The following YWHAQ variants were observed in gnomAD, a reference collection of about 807,000 sequenced individuals.
YWHAQ encodes the protein tyrosine 3-monooxygenase/tryptophan 5-monooxygenase activation protein theta.
Under a neutral mutation model 28.3 loss-of-function variants are expected in YWHAQ, and 6 were observed. The observed-to-expected ratio is 0.21, with a 90% CI of 0.12 to 0.42. The LOEUF (loss-of-function observed/expected upper bound fraction) is 0.42. Among genes scored for constraint, YWHAQ ranks in the 10% least tolerant of loss-of-function variants. The pLI, the probability that YWHAQ is intolerant of heterozygous loss-of-function variation, is 1.00. For synonymous variants in YWHAQ, 143 were observed against 119.1 expected, an observed-to-expected ratio of 1.20 and a Z score of -1.31; for missense variants, 201 against 305.6, an observed-to-expected ratio of 0.66 and a Z score of 2.55.
chr2:9,588,185 C>A lies in YWHAQ; in HGVS notation c.562G>T (p.Ala188Ser), dbSNP rs1666384978. 1.3e-6 allele frequency: 2 copies of A among 1,574,386 alleles called. No homozygotes were observed. The highest frequency in any genetic ancestry group is 1.7e-6 in the Non-Finnish European group (2 of 1,167,648). ...CTTACCGTTTTAGCCAGCGTGCAGG[C>A]AAGCTCTGGGTTATTAAGAATCTCA... is the stretch of plus-strand genomic sequence containing the variant. ...YYEILNNPEL[A>S]CTLAKTAFDE... is the part of the protein sequence containing the mutation. The change falls in exon 4 of 6, where the codon GCC becomes TCC. Residue 188 changes from alanine to serine, a missense_variant. Physicochemically the swap from Ala to Ser is moderately conservative, Grantham distance 99. This residue lies in a region of YWHAQ where 39 missense variants were observed against 91.7 expected (regional missense o/e 0.43). Transcript: ENST00000238081.
At chr2:9,627,770 C>G (rs1667276524) in intron 2 of YWHAQ, among the ~76,000 whole-genome samples, 1 of 152,194 alleles carries the variant, frequency 6.6e-6, no homozygotes, top group South Asian at 2.1e-4. Flanking sequence ...CCTTTCCAGG[C>G]TTGTCTCCTG....
chr2:9,600,615 G>A (rs1170140861), intron 2 of YWHAQ, among the ~76,000 whole-genome samples: 2 of 152,072 alleles, frequency 1.3e-5, no homozygotes, highest in African/African-American at 4.8e-5. Context: ...TAAAGAAGGA[G>A]AATTGATTGA....
At chr2:9,601,285 A>G (rs949342363) in intron 2 of YWHAQ, among the ~76,000 whole-genome samples, 3 of 152,080 alleles carry the variant, frequency 2.0e-5, no homozygotes, top group Admixed American at 2.0e-4. Flanking sequence ...AACATGGTGA[A>G]ACCCCGTCTC....
chr2:9,617,327 T>C (rs1181433021), intron 2 of YWHAQ, among the ~76,000 whole-genome samples: 3 of 152,152 alleles, frequency 2.0e-5, no homozygotes, highest in Non-Finnish European at 4.4e-5. Context: ...AAAATTCTGA[T>C]ACATGTTTCA....
chr2:9,630,073 G>C lies in YWHAQ; in HGVS notation c.294+86C>G, dbSNP rs1293865891. 2 of 1,528,218 alleles carry C rather than the reference G, an allele frequency of 1.3e-6. No homozygotes were observed. The highest frequency in any genetic ancestry group is 1.8e-6 in the Non-Finnish European group (2 of 1,128,720). 94.7% of individuals were successfully genotyped at this position (1,528,218 alleles called of 1,614,324 possible). On this transcript the variant is annotated intron_variant, in intron 2 of 5. Transcript: ENST00000238081. The surrounding 1 kb of genome is among the most constrained non-coding windows in gnomAD (Gnocchi z 5.6). ...CCAGCAGACAGTCCGGCAAGCCCCG[G>C]CTCACGTTTGTTTCCGTGCCCGCGA...
chr2:9,626,168 T>C (rs947716906), intron 2 of YWHAQ, among the ~76,000 whole-genome samples: 1 of 152,244 alleles, frequency 6.6e-6, no homozygotes, highest in African/African-American at 2.4e-5. Flanking sequence ...AAATTGTTTA[T>C]GCATTATGCT....
At chr2:9,620,924 C>T (rs1667129611) in intron 2 of YWHAQ, among the ~76,000 whole-genome samples, 1 of 152,172 alleles carries the variant, frequency 6.6e-6, no homozygotes, top group South Asian at 2.1e-4. Context: ...CTATTAACTT[C>T]AGTAATTAAA....
At chr2:9,597,985 ATTTTTT>A (rs547582835) in intron 2 of YWHAQ, among the ~76,000 whole-genome samples, 116 of 62,474 alleles carry the variant, frequency 1.9e-3, no homozygotes, top group East Asian at 0.013. Flanking sequence ...ATGCCGGGCT[ATTTTTT>A]TTTTTTTTTT....
At chr2:9,586,495 A>G (rs753727608) in intron 5 of YWHAQ, among the ~76,000 whole-genome samples, 4 of 152,232 alleles carry the variant, frequency 2.6e-5, no homozygotes, top group Non-Finnish European at 5.9e-5. Context: ...ATTAAAAGAT[A>G]GTTAGCTCCA....
At chr2:9,610,845 C>G (rs1044480972) in intron 2 of YWHAQ, among the ~76,000 whole-genome samples, 1 of 152,094 alleles carries the variant, frequency 6.6e-6, no homozygotes, top group Non-Finnish European at 1.5e-5. Flanking sequence ...CTTCCTGACA[C>G]GATCTACTAT....
At chr2:9,585,460 T>C (rs1041615467) in intron 5 of YWHAQ, 115 bp from the exon 6 acceptor site, 1 of 1,175,234 alleles carries the variant, frequency 8.5e-7, no homozygotes, top group Non-Finnish European at 1.2e-6. Flanking sequence ...ACAATGGAGA[T>C]CTTGACTAAG....
rs1304318682 is a variant in YWHAQ at position 9,584,075 on chromosome 2, C to G, written c.*1211G>C. 4 of 152,420 alleles carry G rather than the reference C, an allele frequency of 2.6e-5. No homozygotes were observed. The highest frequency in any genetic ancestry group is 5.9e-5 in the Non-Finnish European group (4 of 68,036). 9.4% of individuals were successfully genotyped at this position (152,420 alleles called of 1,614,324 possible). A position where few individuals can be genotyped will look rare whatever the true frequency, so the allele number is the denominator to read the frequency against. ...CATGAGACTGATCTATAGTAAAACA[C>G]TCTAAGAAATGCAGTCCAATTTTAT... On this transcript the variant is annotated 3_prime_UTR_variant, in exon 6 of 6. Coordinates refer to ENST00000238081, the MANE Select transcript of YWHAQ (RefSeq NM_006826.4).
At chr2:9,606,825 G>A (rs898486495) in intron 2 of YWHAQ, among the ~76,000 whole-genome samples, 1 of 151,578 alleles carries the variant, frequency 6.6e-6, no homozygotes, top group African/African-American at 2.4e-5. Context: ...TTTTTTAGCT[G>A]TCTCTCAGAT....
chr2:9,614,790 A>G (rs1416408397), intron 2 of YWHAQ, among the ~76,000 whole-genome samples: 1 of 152,230 alleles, frequency 6.6e-6, no homozygotes, highest in Non-Finnish European at 1.5e-5. Flanking sequence ...TTTTCCATTT[A>G]TAACTAACAC....
At chr2:9,624,392 G>C (rs1307630278) in intron 2 of YWHAQ, among the ~76,000 whole-genome samples, 1 of 152,212 alleles carries the variant, frequency 6.6e-6, no homozygotes, top group Non-Finnish European at 1.5e-5. Context: ...AGCTAGACAA[G>C]AGGTTCAGGT....
intron 2 of YWHAQ, among the ~76,000 whole-genome samples, chr2:9,597,634 CAAAA>C (rs562319001): frequency 2.7e-5 from 2 of 75,318 alleles, no homozygotes; most frequent in African/African-American, 4.4e-5. Context: ...AACTCCGTCT[CAAAA>C]AAAAAAAAAA....
intron 2 of YWHAQ, among the ~76,000 whole-genome samples, chr2:9,597,606 G>A (rs952051076): frequency 7.5e-6 from 1 of 134,174 alleles, no homozygotes; most frequent in Non-Finnish European, 1.5e-5. Flanking sequence ...AAGATCACCT[G>A]CCTGGGCAAA....
At chr2:9,586,272 T>C (rs1666342434) in intron 5 of YWHAQ, among the ~76,000 whole-genome samples, 1 of 152,208 alleles carries the variant, frequency 6.6e-6, no homozygotes, top group African/African-American at 2.4e-5. Context: ...ATCTCTCTGA[T>C]TTTAGGATAG....
At chr2:9,613,030 T>C (rs933327173) in intron 2 of YWHAQ, among the ~76,000 whole-genome samples, 10 of 152,164 alleles carry the variant, frequency 6.6e-5, no homozygotes, top group East Asian at 1.9e-4. Flanking sequence ...AAATTAGACA[T>C]AGAGCCAACA....
Sources: gnomAD v4.1 joint callset for allele counts (sites outside exome capture counted in the v4.1 genomes callset) on GRCh38, gnomAD v4.1.1 for gene constraint, gnomAD v4.1.1 regional missense constraint, Gnocchi (gnomAD v3.1) non-coding constraint, MANE v1.5 for transcripts, NCBI Gene and HGNC (gene_info 2026-07-23, HGNC 2026-07-21) for gene names.